The following PPFIBP2 variants were observed in gnomAD, a reference collection of about 807,000 sequenced individuals.
PPFIBP2 encodes PPFIB scaffold protein 2, also known as liprin-beta-2.
PPFIBP2 carries 118 observed loss-of-function variants against 118.3 expected under a neutral mutation model. The observed-to-expected ratio is 1.00, with a 90% CI of 0.86 to 1.16. PPFIBP2 has a LOEUF of 1.16. Among genes scored for constraint, PPFIBP2 ranks in the 50% most tolerant of loss-of-function variants. The pLI, the probability that PPFIBP2 is intolerant of heterozygous loss-of-function variation, is 0.00. For synonymous variants in PPFIBP2, 414 were observed against 397.4 expected (o/e 1.04, Z -0.50); for missense variants, 1,195 against 1,073.1 (o/e 1.11, Z -1.59).
chr11:7,524,371 T>C (rs1428292658), intron 1 of PPFIBP2, among the ~76,000 whole-genome samples: 2 of 152,120 alleles, frequency 1.3e-5, no homozygotes, highest in African/African-American at 2.4e-5. Context: ...AATAACTAGC[T>C]CAATGCTGGA....
intron 15 of PPFIBP2, 61 bp downstream of exon 15, chr11:7,639,931 T>C: frequency 6.4e-7 from 1 of 1,563,430 alleles, no homozygotes; most frequent in Non-Finnish European, 8.6e-7. Context: ...TTTCAATGAT[T>C]GTATAAGATC....
At chr11:7,636,289 G>A (rs867625270) in intron 14 of PPFIBP2, among the ~76,000 whole-genome samples, 2 of 35,830 alleles carry the variant, frequency 5.6e-5, no homozygotes, top group Non-Finnish European at 9.4e-5. Flanking sequence ...ATATTTTCAC[G>A]GTAAAATGGG....
chr11:7,579,922 C>G (rs1420907793), intron 3 of PPFIBP2, among the ~76,000 whole-genome samples: 1 of 151,862 alleles, frequency 6.6e-6, no homozygotes, highest in African/African-American at 2.4e-5. Context: ...CTACCCTAAA[C>G]ACTACTGCCA....
chr11:7,663,363 AACAG>A, the PPFIBP2 span, among the ~76,000 whole-genome samples: 2 of 151,174 alleles, frequency 1.3e-5, no homozygotes. Context: ...TTTTCCTTCT[AACAG>A]ACAGGACCCT....
chr11:7,625,436 C>A (rs1354236266), intron 7 of PPFIBP2, among the ~76,000 whole-genome samples: 1 of 152,250 alleles, frequency 6.6e-6, no homozygotes, highest in Non-Finnish European at 1.5e-5. Flanking sequence ...ATATCCTCCT[C>A]TGCACCAAGG....
chr11:7,597,573 C>G lies in PPFIBP2; in HGVS notation c.386C>G (p.Thr129Arg), dbSNP rs1002859376. 35 of 1,613,748 alleles carry G rather than the reference C, an allele frequency of 2.2e-5. No homozygotes were observed. Among genetic ancestry groups the G allele is most frequent in the Middle Eastern group, 1.6e-4 (1 of 6,080 alleles). The change falls in exon 5 of 24, where the codon ACA becomes AGA. Residue 129 changes from threonine (T) to arginine (R), a missense_variant. Thr to Arg is a moderately conservative substitution (Grantham distance 71). Coordinates refer to ENST00000299492, the MANE Select transcript of PPFIBP2 (RefSeq NM_003621.5). ...TTCCTGGAACAGGTGAGTGTCCTCA[C>G]AGACCAAGTAGAAGCCCAGGGAGAA... ...ESLILQVSVLTDQVEAQGEKI... is the reference protein window; with the variant it reads ...ESLILQVSVLRDQVEAQGEKI...
At chr11:7,636,181 G>A (rs1404411604) in intron 14 of PPFIBP2, among the ~76,000 whole-genome samples, 1 of 152,158 alleles carries the variant, frequency 6.6e-6, no homozygotes, top group African/African-American at 2.4e-5. Flanking sequence ...TGTATTGTGA[G>A]GCTGATGGCA....
chr11:7,558,979 G>C (rs1050336974), intron 2 of PPFIBP2, among the ~76,000 whole-genome samples: 3 of 152,034 alleles, frequency 2.0e-5, no homozygotes, highest in Admixed American at 6.6e-5. Flanking sequence ...GTATCACCTG[G>C]GAAACTTTTT....
chr11:7,612,040 CACTCA>C (rs1848132121), intron 6 of PPFIBP2, among the ~76,000 whole-genome samples: 1 of 152,134 alleles, frequency 6.6e-6, no homozygotes, highest in Admixed American at 6.5e-5. Flanking sequence ...AAGTGGCAGA[CACTCA>C]ACTCAAAGTC....
In PPFIBP2 at chr11:7,629,529, C is replaced by T; in HGVS notation, c.959C>T (p.Thr320Ile). 6.2e-7 allele frequency: 1 copy of T among 1,614,050 alleles called. No homozygotes were observed. Among genetic ancestry groups the T allele is most frequent in the Non-Finnish European group, 8.5e-7 (1 of 1,179,930 alleles). The part of the protein sequence containing the change: ...YRKVKEIVMV[T>I]QGPSERTLSI... The stretch of plus-strand genomic sequence containing the variant: ...AAGGTAAAGGAGATTGTGATGGTCA[C>T]TCAAGGTAAGAGCAAGGGCGATCCT... The change falls in exon 10 of 24, where the codon ACT becomes ATT. Residue 320 changes from threonine (T) to isoleucine (I), a missense_variant. Thr to Ile is a moderately conservative substitution (Grantham distance 89, BLOSUM62 -1). Transcript: ENST00000299492.
rs765281621 is a variant in PPFIBP2, at chr11:7,648,850, G to A, written c.1848G>A (p.Val616=). ...PLHRKKLVLA[V]KAINTKQEEK... ...ACAGGAAGAAGCTTGTTTTAGCAGTGAAAGCCATCAACACCAAACAGGAGG... is the reference window on the plus strand; with the variant it reads ...ACAGGAAGAAGCTTGTTTTAGCAGTAAAAGCCATCAACACCAAACAGGAGG... The change falls in exon 19 of 24, where the codon GTG becomes GTA. Residue 616 remains valine (V), a synonymous_variant. Transcript: ENST00000299492. 44 of 1,614,040 alleles carry A rather than the reference G, an allele frequency of 2.7e-5. No homozygotes were observed. Among genetic ancestry groups the A allele is most frequent in the Middle Eastern group, 1.6e-4 (1 of 6,084 alleles).
chr11:7,626,578 T>C (rs1028607739), intron 8 of PPFIBP2, among the ~76,000 whole-genome samples: 11 of 152,242 alleles, frequency 7.2e-5, no homozygotes, highest in African/African-American at 2.4e-4. Context: ...TGGCCCATTG[T>C]AGGATCCTAA....
chr11:7,617,277 T>C (rs1848768453), intron 6 of PPFIBP2: 1 of 985,326 alleles, frequency 1.0e-6, no homozygotes, highest in Non-Finnish European at 1.2e-6. Flanking sequence ...GGACTGTGCC[T>C]GTTGGGAGGG....
intron 2 of PPFIBP2, among the ~76,000 whole-genome samples, chr11:7,554,609 T>TA (rs1368360829): frequency 6.6e-6 from 1 of 152,028 alleles, no homozygotes; most frequent in Non-Finnish European, 1.5e-5. Flanking sequence ...AAGTGGTAAA[T>TA]ATGCCCCTCC....
intron 1 of PPFIBP2, among the ~76,000 whole-genome samples, chr11:7,547,086 G>T (rs930357527): frequency 2.0e-5 from 3 of 152,204 alleles, no homozygotes; most frequent in Non-Finnish European, 4.4e-5. Context: ...GTGGGAAGGT[G>T]GCCAGTTAGC....
chr11:7,543,405 G>T (rs1851986554), intron 1 of PPFIBP2, among the ~76,000 whole-genome samples: 1 of 152,218 alleles, frequency 6.6e-6, no homozygotes, highest in Non-Finnish European at 1.5e-5. Context: ...TGTGGTTGTG[G>T]TGGGGTTCTT....
In PPFIBP2 at chr11:7,634,357, A is replaced by G. The variant is rs1310149835; in HGVS notation, c.1137-138A>G. 2.5e-5 allele frequency: 17 copies of G among 678,872 alleles called. No individual in the cohort carries two copies. The African/African-American group carries it at 2.9e-4, about 11-fold the overall frequency. 42.1% of individuals were successfully genotyped at this position (678,872 alleles called of 1,614,324 possible). ...CAGTCTCATTTTGTATGTAAAGGCT[A>G]TTATGAGAGGGTATTTTTTTTTCTT... On this transcript the variant is annotated intron_variant, in intron 12 of 23. Transcript: ENST00000299492.
At chr11:7,528,383 A>G (rs927198245) in intron 1 of PPFIBP2, among the ~76,000 whole-genome samples, 3 of 152,188 alleles carry the variant, frequency 2.0e-5, no homozygotes, top group African/African-American at 7.2e-5. Context: ...CACTATAGGC[A>G]ATTTCTGAAT....
rs912943560 is a variant in PPFIBP2 at position 7,650,835 on chromosome 11, G to A, written c.2122-5G>A. 2 of 1,613,424 alleles carry A rather than the reference G, an allele frequency of 1.2e-6. No homozygotes were observed. The highest frequency in any genetic ancestry group is 2.7e-5 in the African/African-American group (2 of 74,918). On this transcript the variant is annotated splice_polypyrimidine_tract_variant and splice_region_variant and intron_variant, in intron 21 of 23. Coordinates refer to ENST00000299492, the MANE Select transcript of PPFIBP2 (RefSeq NM_003621.5). Reference sequence around the variant, plus strand: ...ACTTCCTCACTCTCCTTCTCCCTCTGACAGAGTAACCTTTCTCCTTCAGAA... The same window carrying A: ...ACTTCCTCACTCTCCTTCTCCCTCTAACAGAGTAACCTTTCTCCTTCAGAA...
Sources: allele counts gnomAD v4.1 joint callset (sites outside exome capture counted in the v4.1 genomes callset), GRCh38; gene constraint gnomAD v4.1.1; transcripts MANE v1.5; gene names NCBI Gene and HGNC (gene_info 2026-07-23, HGNC 2026-07-21).